CNTLN: variants seen among roughly 807,000 people sequenced by gnomAD.
The protein encoded by CNTLN is centlein.
Under a neutral mutation model 180.0 loss-of-function variants are expected in CNTLN, and 212 were observed. That is an observed-to-expected ratio of 1.18 (90% confidence interval 1.05 to 1.32). CNTLN has a LOEUF of 1.32. Ranked by LOEUF, CNTLN falls within the 40% of genes most tolerant of loss-of-function variation. CNTLN has a pLI of 0.00. For synonymous variants in CNTLN, 722 were observed against 563.1 expected, an observed-to-expected ratio of 1.28 and a Z score of -3.99; for missense variants, 2,095 against 1,610.9, an observed-to-expected ratio of 1.30 and a Z score of -5.14.
chr9:17,165,926 A>G (rs965212835), intron 2 of CNTLN, among the ~76,000 whole-genome samples: 8 of 152,236 alleles, frequency 5.3e-5, no homozygotes, highest in African/African-American at 1.7e-4. Flanking sequence ...ACTGTTAACT[A>G]TAGAGACCTT....
intron 6 of CNTLN, among the ~76,000 whole-genome samples, chr9:17,290,152 G>C (rs1274682473): frequency 2.0e-5 from 3 of 151,954 alleles, no homozygotes; most frequent in Admixed American, 6.6e-5. Context: ...ATCTACTTTT[G>C]GTCTTTGATG....
intron 23 of CNTLN, among the ~76,000 whole-genome samples, chr9:17,473,620 A>T (rs117968015): frequency 0.028 from 4,295 of 151,866 alleles, 108 homozygotes; most frequent in South Asian, 0.11. Flanking sequence ...AACAAAAAAC[A>T]ACCCTTCATT....
rs780804147 is a variant in CNTLN at position 17,262,341 on chromosome 9, A to G, written c.850-11392A>G. 3.3e-5 allele frequency among the ~76,000 whole-genome samples: 5 copies of G among 151,656 alleles called. 1 individual carries two copies. Among genetic ancestry groups the G allele is most frequent in the Non-Finnish European group, 7.3e-5 (5 of 68,032 alleles). ...GAACCAACCCAAATGCCCATCAGTG[A>G]TAGACTGGATAAAGAAAATGTGGTA... On this transcript the variant is annotated intron_variant, in intron 5 of 25. Transcript: ENST00000380647.
At chr9:17,345,849 G>A (rs1821840716) in intron 12 of CNTLN, among the ~76,000 whole-genome samples, 1 of 152,056 alleles carries the variant, frequency 6.6e-6, no homozygotes, top group Non-Finnish European at 1.5e-5. Context: ...TAGAGGTATT[G>A]TTTATCCTTT....
intron 25 of CNTLN, among the ~76,000 whole-genome samples, chr9:17,501,090 A>G (rs1833730889): frequency 1.3e-5 from 2 of 152,142 alleles, no homozygotes; most frequent in Admixed American, 6.5e-5. Context: ...AGTGTGTTTG[A>G]TGTGGTAGGT....
At chr9:17,227,331 A>G (rs1824537101) in intron 3 of CNTLN, among the ~76,000 whole-genome samples, 1 of 152,038 alleles carries the variant, frequency 6.6e-6, no homozygotes, top group Admixed American at 6.6e-5. Context: ...TGTATATGTA[A>G]TATGTAAAAT....
chr9:17,503,671 G>T lies in CNTLN; in HGVS notation c.*1019G>T, dbSNP rs1833861724. The T allele has an allele frequency of 6.6e-6, 1 of 152,144 alleles. No individual in the cohort carries two copies. The highest frequency in any genetic ancestry group is 6.6e-5 in the Admixed American group (1 of 15,236). The allele number at this position is 152,144 out of a possible 1,614,324, so 9.4% of individuals were successfully genotyped here. On this transcript the variant is annotated 3_prime_UTR_variant, in exon 26 of 26. Coordinates refer to ENST00000380647, the MANE Select transcript of CNTLN (RefSeq NM_017738.4). Reference sequence around the variant, plus strand: ...AAATTATCTATCTGTTCATGTATTTGTTTTCTTGTTTATTTTCTTCTTTTC... The same window carrying T: ...AAATTATCTATCTGTTCATGTATTTTTTTTCTTGTTTATTTTCTTCTTTTC...
At chr9:17,257,137 C>G (rs185789390) in intron 5 of CNTLN, among the ~76,000 whole-genome samples, 1 of 151,838 alleles carries the variant, frequency 6.6e-6, no homozygotes, top group Non-Finnish European at 1.5e-5. Flanking sequence ...TCCTCCCACC[C>G]CACAACAGTC....
intron 18 of CNTLN, among the ~76,000 whole-genome samples, chr9:17,453,867 G>C (rs190699593): frequency 1.7e-4 from 26 of 152,312 alleles, no homozygotes; most frequent in Non-Finnish European, 3.2e-4. Context: ...CCTGATCTCA[G>C]AGAATGCCTC....
intron 2 of CNTLN, among the ~76,000 whole-genome samples, chr9:17,177,507 T>C (rs1339896371): frequency 6.6e-6 from 1 of 152,202 alleles, no homozygotes; most frequent in Non-Finnish European, 1.5e-5. Flanking sequence ...CTGCGGACCC[T>C]TGTGGTGAGT....
At chr9:17,212,474 T>C (rs1823394443) in intron 2 of CNTLN, among the ~76,000 whole-genome samples, 2 of 152,208 alleles carry the variant, frequency 1.3e-5, no homozygotes, top group South Asian at 2.1e-4. Context: ...TTATTAAGGA[T>C]TTTTCTGTGG....
Position 17,177,370 on chromosome 9 carries a change from C to G in CNTLN, c.449+33994C>G, listed in dbSNP as rs146589555. ...CTTGCAGTGAGCTGAGATTGTGCCA[C>G]TGCACTCCAGCCTGGGCGACAGAAC... is the stretch of plus-strand genomic sequence containing the variant. On this transcript the variant is annotated intron_variant, in intron 2 of 25. Transcript: ENST00000380647. 1.6e-3 allele frequency among the ~76,000 whole-genome samples: 240 copies of G among 151,868 alleles called. 1 individual carries two copies. The highest frequency in any genetic ancestry group is 5.6e-3 in the African/African-American group (231 of 41,378).
intron 2 of CNTLN, among the ~76,000 whole-genome samples, chr9:17,170,915 G>T (rs1354390489): frequency 1.3e-5 from 2 of 151,992 alleles, no homozygotes; most frequent in Non-Finnish European, 2.9e-5. Context: ...TTGTGTTACA[G>T]TTGCCTATAG....
chr9:17,163,172 GT>G (rs1819799546), intron 2 of CNTLN, among the ~76,000 whole-genome samples: 1 of 152,096 alleles, frequency 6.6e-6, no homozygotes, highest in South Asian at 2.1e-4. Context: ...TAAGAATGGG[GT>G]TGAGGGGCTA....
chr9:17,361,130 A>G (rs1823352705), intron 12 of CNTLN, among the ~76,000 whole-genome samples: 1 of 152,128 alleles, frequency 6.6e-6, no homozygotes, highest in Admixed American at 6.5e-5. Context: ...TTACATATGT[A>G]TACATGTGCC....
Position 17,503,854 on chromosome 9 carries a change from T to C in CNTLN, c.*1202T>C, listed in dbSNP as rs78377731. On this transcript the variant is annotated 3_prime_UTR_variant, in exon 26 of 26. Transcript: ENST00000380647. Reference sequence around the variant, plus strand: ...TTAAAAAATCAAAAGGAGAATAATATTTTGTAGCATGTGAAAATTATATAA... The same window carrying C: ...TTAAAAAATCAAAAGGAGAATAATACTTTGTAGCATGTGAAAATTATATAA... 3,837 of 152,762 alleles carry C rather than the reference T, an allele frequency of 0.025. 71 individuals are homozygous for C. The highest frequency in any genetic ancestry group is 0.042 in the Non-Finnish European group (2,855 of 68,024). The allele number at this position is 152,762 out of a possible 1,614,324, so 9.5% of individuals were successfully genotyped here.
intron 20 of CNTLN, 35 bp downstream of exon 20, chr9:17,463,048 T>C (rs1181258476): frequency 1.5e-6 from 2 of 1,294,562 alleles, no homozygotes; most frequent in Non-Finnish European, 1.1e-6. Flanking sequence ...TTGTATTTGG[T>C]GCCACCTAGT....
chr9:17,312,350 T>TATATATTATATATATATATATATA (rs1819198559), intron 8 of CNTLN, among the ~76,000 whole-genome samples: 1 of 16,370 alleles, frequency 6.1e-5, no homozygotes, highest in African/African-American at 1.4e-4. Flanking sequence ...TATTTATATA[T>TATATATTATATATATATATATATA]ATATATATAT....
Position 17,215,905 on chromosome 9 carries a change from G to A in CNTLN, c.450-10298G>A, listed in dbSNP as rs140053810. On this transcript the variant is annotated intron_variant, in intron 2 of 25. Transcript: ENST00000380647. The stretch of plus-strand genomic sequence containing the variant: ...CGTATGCTAAGACCGTTGGAAAAGC[G>A]CAGTATTAGGGTGGGAGTGACCTGA... Among the ~76,000 whole-genome samples the A allele has an allele frequency of 3.2e-3, 493 of 152,268 alleles. 5 individuals are homozygous for A. Among genetic ancestry groups the A allele is most frequent in the Non-Finnish European group, 5.2e-3 (355 of 68,026 alleles).
Sources: gnomAD v4.1 joint callset for allele counts (sites outside exome capture counted in the v4.1 genomes callset) on GRCh38, gnomAD v4.1.1 for gene constraint, MANE v1.5 for transcripts, NCBI Gene and HGNC (gene_info 2026-07-23, HGNC 2026-07-21) for gene names.